Variants in WWTR1 observed in about 807,000 individuals in gnomAD.
The protein encoded by WWTR1 is WW domain containing transcription regulator 1, also known as WW domain-containing transcription regulator protein 1.
A neutral mutation model predicts 40.1 loss-of-function variants in WWTR1; 13 were observed. The ratio of observed to expected loss-of-function variants is 0.32; its 90% CI spans 0.21 to 0.52. WWTR1 has a LOEUF of 0.52. Among genes scored for constraint, WWTR1 ranks in the 20% least tolerant of loss-of-function variants. The pLI is 0.97. For missense variants in WWTR1, 436 were observed against 523.1 expected, an observed-to-expected ratio of 0.83 and a Z score of 1.63; for synonymous variants, 230 against 210.1, an observed-to-expected ratio of 1.09 and a Z score of -0.82.
rs146400509 is a variant in WWTR1 at position 149,606,111 on chromosome 3, G to A, written c.432-33111C>T. ...TAGAAGGCATGATCTATGAGGAATA[G>A]GCCCTCATAAGACACCACATCTGCT... On this transcript the variant is annotated intron_variant, in intron 2 of 6. Transcript: ENST00000360632. Among the ~76,000 whole-genome samples, 752 of 152,250 alleles carry A rather than the reference G, an allele frequency of 4.9e-3. 3 individuals are homozygous for A. Among genetic ancestry groups the A allele is most frequent in the African/African-American group, 0.018 (729 of 41,550 alleles).
chr3:149,696,734 G>A (rs900425989), intron 1 of WWTR1, among the ~76,000 whole-genome samples: 3 of 152,120 alleles, frequency 2.0e-5, no homozygotes, highest in African/African-American at 4.8e-5. Context: ...GCCTCTCAAC[G>A]AGCATGGCGT....
intron 2 of WWTR1, among the ~76,000 whole-genome samples, chr3:149,587,576 A>G (rs1287083944): frequency 6.6e-6 from 1 of 152,208 alleles, no homozygotes; most frequent in African/African-American, 2.4e-5. Flanking sequence ...TATTTAATTG[A>G]CAGGAAGTTT....
intron 2 of WWTR1, among the ~76,000 whole-genome samples, chr3:149,636,539 G>A (rs546829357): frequency 1.3e-5 from 2 of 152,004 alleles, no homozygotes; most frequent in African/African-American, 4.8e-5. Context: ...TTTATAGTCG[G>A]GCTAAGAATT....
At chr3:149,545,224 A>G (rs569294747) in intron 3 of WWTR1, among the ~76,000 whole-genome samples, 2 of 152,240 alleles carry the variant, frequency 1.3e-5, no homozygotes, top group Admixed American at 1.3e-4. Context: ...CGCAGGGGAA[A>G]AGTTCCCTTA....
intron 1 of WWTR1, among the ~76,000 whole-genome samples, chr3:149,693,478 A>AT (rs1714887205): frequency 6.6e-6 from 1 of 151,894 alleles, no homozygotes; most frequent in Non-Finnish European, 1.5e-5. Context: ...CAGAAAAAAA[A>AT]ATCCTAAAAT....
chr3:149,540,144 T>G (rs1736025050), intron 4 of WWTR1: 2 of 449,626 alleles, frequency 4.4e-6, no homozygotes, highest in Non-Finnish European at 8.9e-6. Context: ...CTGAACTACA[T>G]GAGTCCCTGT....
In WWTR1 at chr3:149,573,018, AT is replaced by A; in HGVS notation, c.432-19del. Reference sequence around the variant, plus strand: ...CTATGTGACTAAAAGAAGGAAAACAATTAATTATCTTTTTAATTGTCAGCAT... The same window carrying A: ...CTATGTGACTAAAAGAAGGAAAACAATAATTATCTTTTTAATTGTCAGCAT... On this transcript the variant is annotated intron_variant, in intron 2 of 6. Transcript: ENST00000360632. 1.3e-6 allele frequency: 2 copies of A among 1,579,284 alleles called. No homozygotes were observed. Among genetic ancestry groups the A allele is most frequent in the Non-Finnish European group, 1.7e-6 (2 of 1,168,152 alleles).
At chr3:149,528,998 C>T (rs1421435831) in intron 4 of WWTR1, among the ~76,000 whole-genome samples, 1 of 152,226 alleles carries the variant, frequency 6.6e-6, no homozygotes, top group African/African-American at 2.4e-5. Context: ...CTGACTGCAA[C>T]TACTTTCTCT....
At chr3:149,574,860 C>A (rs994912910) in intron 2 of WWTR1, among the ~76,000 whole-genome samples, 1 of 151,434 alleles carries the variant, frequency 6.6e-6, no homozygotes, top group Non-Finnish European at 1.5e-5. Context: ...TTTGGGAGGC[C>A]GAGGCGGGTG....
chr3:149,594,115 C>T (rs1738861619), intron 2 of WWTR1, among the ~76,000 whole-genome samples: 1 of 152,098 alleles, frequency 6.6e-6, no homozygotes, highest in Admixed American at 6.6e-5. Context: ...AAAAATTCTA[C>T]TTCATTTCTT....
chr3:149,707,793 T>A (rs1715368459), upstream of WWTR1, among the ~76,000 whole-genome samples: 2 of 151,978 alleles, frequency 1.3e-5, no homozygotes. Flanking sequence ...AACATATGTG[T>A]CTCTTACTGA....
chr3:149,570,343 C>T (rs1026596404), intron 3 of WWTR1, among the ~76,000 whole-genome samples: 4 of 152,184 alleles, frequency 2.6e-5, no homozygotes, highest in Non-Finnish European at 4.4e-5. Context: ...CTGAGGCAAG[C>T]GGATCGCCAG....
chr3:149,603,220 T>C (rs1739327943), intron 2 of WWTR1, among the ~76,000 whole-genome samples: 1 of 152,092 alleles, frequency 6.6e-6, no homozygotes, highest in African/African-American at 2.4e-5. Context: ...CACCAAGTCC[T>C]CAAGAAATGA....
chr3:149,677,937 AT>A (rs34388497), intron 1 of WWTR1, among the ~76,000 whole-genome samples: 535 of 142,266 alleles, frequency 3.8e-3, no homozygotes, highest in Middle Eastern at 7.4e-3. Flanking sequence ...TAATTTTTGT[AT>A]TTTTTTTTTT....
At chr3:149,667,215 G>C (rs945311897) in intron 2 of WWTR1, among the ~76,000 whole-genome samples, 2 of 152,162 alleles carry the variant, frequency 1.3e-5, no homozygotes, top group South Asian at 2.1e-4. Context: ...AAATTGTTTA[G>C]TTGGAACTTG....
At chr3:149,573,232 C>T (rs987098230) in intron 2 of WWTR1, among the ~76,000 whole-genome samples, 8 of 152,136 alleles carry the variant, frequency 5.3e-5, no homozygotes, top group South Asian at 2.1e-4. Flanking sequence ...CCCAAGACAT[C>T]GCTGTCCAGA....
chr3:149,525,989 A>C, intron 6 of WWTR1, 24 bp downstream of exon 6: 1 of 1,441,884 alleles, frequency 6.9e-7, no homozygotes. Flanking sequence ...ACCCATTGTA[A>C]GTGCTTGCAG....
chr3:149,695,614 C>A (rs975545638), intron 1 of WWTR1, among the ~76,000 whole-genome samples: 7 of 150,610 alleles, frequency 4.6e-5, no homozygotes, highest in African/African-American at 7.3e-5. Flanking sequence ...TACAAAAATT[C>A]TCTGGGCATG....
At chr3:149,704,773 AAGTGAAGGGCC>A (rs1478892956), upstream of WWTR1, among the ~76,000 whole-genome samples, 2 of 152,106 alleles carry the variant, frequency 1.3e-5, no homozygotes, top group African/African-American at 4.8e-5. Context: ...TCTAAAATAC[AAGTGAAGGGCC>A]AGAATTATCA....
Sources: allele counts gnomAD v4.1 joint callset (sites outside exome capture counted in the v4.1 genomes callset), GRCh38; gene constraint gnomAD v4.1.1; transcripts MANE v1.5; gene names NCBI Gene and HGNC (gene_info 2026-07-23, HGNC 2026-07-21).